Variants in LRRN3 observed in about 807,000 individuals in gnomAD.
The protein encoded by LRRN3 is leucine-rich repeat neuronal protein 3.
In LRRN3, 15 loss-of-function variants were observed where a neutral mutation model predicts 40.1. The ratio of observed to expected loss-of-function variants is 0.37; its 90% CI spans 0.25 to 0.58. LRRN3 has a LOEUF of 0.58. Ranked by LOEUF, LRRN3 falls within the 20% of genes least tolerant of loss-of-function variation. The pLI is 0.72. For synonymous variants in LRRN3, 308 were observed against 297.2 expected, an observed-to-expected ratio of 1.04 and a Z score of -0.37; for missense variants, 746 against 837.7, an observed-to-expected ratio of 0.89 and a Z score of 1.35.
intron 2 of LRRN3, among the ~76,000 whole-genome samples, chr7:111,116,930 A>G (rs1799947239): frequency 6.6e-6 from 1 of 152,170 alleles, no homozygotes; most frequent in African/African-American, 2.4e-5. Flanking sequence ...AAAATGAAGG[A>G]ATTTGAATTC....
Position 111,099,901 on chromosome 7 carries a change from G to A in LRRN3, c.-420G>A, listed in dbSNP as rs996401122. ...CAAAGACGAGGAAGAGGAGGAGAAA[G>A]AGAAAGAAGAGGAAGATGTTGGGCA... On this transcript the variant is annotated 5_prime_UTR_variant, in exon 2 of 3. Transcript: ENST00000308478. 22 of 151,636 alleles carry A rather than the reference G, an allele frequency of 1.5e-4. No individual in the cohort carries two copies. Among genetic ancestry groups the A allele is most frequent in the African/African-American group, 5.3e-4 (22 of 41,370 alleles). 9.4% of individuals were successfully genotyped at this position (151,636 alleles called of 1,614,324 possible). A position where few individuals can be genotyped will look rare whatever the true frequency, so the allele number is the denominator to read the frequency against.
Position 111,122,655 on chromosome 7 carries a change from G to C in LRRN3, c.-118G>C, listed in dbSNP as rs1800791332. ...GTGAAGAAAAACTTTGTGGTTCTATGGCATTCATCATTTGACAAATGCAAG... is the reference window on the plus strand; with the variant it reads ...GTGAAGAAAAACTTTGTGGTTCTATCGCATTCATCATTTGACAAATGCAAG... On this transcript the variant is annotated 5_prime_UTR_variant, in exon 3 of 3. It removes an upstream start codon present in the reference 5' UTR. Coordinates refer to ENST00000308478, the MANE Select transcript of LRRN3 (RefSeq NM_001099658.2). The C allele has an allele frequency of 1.3e-6, 1 of 783,750 alleles. No individual in the cohort carries two copies. The highest frequency in any genetic ancestry group is 2.1e-6 in the Non-Finnish European group (1 of 482,838). 48.5% of individuals were successfully genotyped at this position (783,750 alleles called of 1,614,324 possible). A position where few individuals can be genotyped will look rare whatever the true frequency, so the allele number is the denominator to read the frequency against.
chr7:111,101,970 A>G lies in LRRN3; in HGVS notation c.-359+2008A>G, dbSNP rs543321163. On this transcript the variant is annotated intron_variant, in intron 2 of 2. Transcript: ENST00000308478. The stretch of plus-strand genomic sequence containing the variant: ...AACTCTTCTGCCCACATGTTCATGA[A>G]CTCTAATTTTCATACACTATATCTC... Among the ~76,000 whole-genome samples, 4 of 151,454 alleles carry G rather than the reference A, an allele frequency of 2.6e-5. No homozygotes were observed. In the East Asian group the frequency reaches 7.8e-4, roughly 30 times the overall value.
chr7:111,119,482 A>C (rs1800316334), intron 2 of LRRN3, among the ~76,000 whole-genome samples: 1 of 152,246 alleles, frequency 6.6e-6, no homozygotes. Context: ...TGAAGAATAA[A>C]GCACAGATAT....
In LRRN3 at chr7:111,123,333, T is replaced by A. The variant is rs1163657538; in HGVS notation, c.561T>A (p.Leu187=). ...QMINSKWFDA[L]PNLEILMIGE... Reference sequence around the variant, plus strand: ...TCAACAGTAAGTGGTTTGATGCTCTTCCAAATCTAGAGATTCTGATGATTG... The same window carrying A: ...TCAACAGTAAGTGGTTTGATGCTCTACCAAATCTAGAGATTCTGATGATTG... The change falls in exon 3 of 3, where the codon CTT becomes CTA. Residue 187 remains leucine (L), a synonymous_variant. Transcript: ENST00000308478. The surrounding 1 kb of genome is among the most constrained non-coding windows in gnomAD (Gnocchi z 6.4). 6.2e-7 allele frequency: 1 copy of A among 1,613,862 alleles called. No individual in the cohort carries two copies. The highest frequency in any genetic ancestry group is 2.2e-5 in the East Asian group (1 of 44,862).
chr7:111,124,624 C>G lies in LRRN3; in HGVS notation c.1852C>G (p.Gln618Glu). 2 of 1,613,814 alleles carry G rather than the reference C, an allele frequency of 1.2e-6. No individual in the cohort carries two copies. Among genetic ancestry groups the G allele is most frequent in the South Asian group, 1.1e-5 (1 of 91,050 alleles). ...CACCACCAAAGGTTTGCACCCTGATCAAAAAGAGTATGAAAAGAATAATAC... is the reference window on the plus strand; with the variant it reads ...CACCACCAAAGGTTTGCACCCTGATGAAAAAGAGTATGAAAAGAATAATAC... ...NVTTKGLHPD[Q>E]KEYEKNNTTT... Residue 618 changes from glutamine to glutamate, a missense_variant, in exon 3 of 3, where the codon CAA (glutamine) becomes GAA (glutamate). Gln to Glu is a conservative substitution (Grantham distance 29). Transcript: ENST00000308478.
chr7:111,094,581 C>T (rs1797208879), intron 1 of LRRN3, among the ~76,000 whole-genome samples: 1 of 152,136 alleles, frequency 6.6e-6, no homozygotes, highest in South Asian at 2.1e-4. Context: ...AACATCAGTA[C>T]ATCTTGTCAG....
At position 111,124,896 on chromosome 7, in the gene LRRN3, C is replaced by T; in HGVS notation, c.2124C>T (p.Ser708=). Residue 708 remains serine, a synonymous_variant, in exon 3 of 3, where the codon TCC becomes TCT. Transcript: ENST00000308478. The part of the protein sequence containing the change: ...ATVIGLPTNM[S] The stretch of plus-strand genomic sequence containing the variant: ...TTATAGGTTTACCAACAAATATGTC[C>T]TAAAAACCACCAAGGAAACCTACTC... The T allele has an allele frequency of 6.6e-7, 1 of 1,517,536 alleles. No homozygotes were observed. Among genetic ancestry groups the T allele is most frequent in the Non-Finnish European group, 8.8e-7 (1 of 1,134,840 alleles). 94.0% of individuals were successfully genotyped at this position (1,517,536 alleles called of 1,614,324 possible).
intron 2 of LRRN3, among the ~76,000 whole-genome samples, chr7:111,121,627 T>C (rs1208225577): frequency 6.6e-6 from 1 of 152,172 alleles, no homozygotes; most frequent in Non-Finnish European, 1.5e-5. Context: ...TTTACACTGT[T>C]GGTGGGGCTG....
chr7:111,111,942 GT>G (rs748410980), intron 2 of LRRN3, among the ~76,000 whole-genome samples: 3,201 of 84,084 alleles, frequency 0.038, 7 homozygotes, highest in African/African-American at 0.064. Context: ...TATATAGTTT[GT>G]TTTTTTTTTT....
chr7:111,099,034 T>C (rs942266621), intron 1 of LRRN3, among the ~76,000 whole-genome samples: 3 of 151,762 alleles, frequency 2.0e-5, no homozygotes, highest in African/African-American at 7.2e-5. Flanking sequence ...ATCTGAGTTT[T>C]GCTATCCACT....
At chr7:111,100,406 T>C (rs1033187197) in intron 2 of LRRN3, among the ~76,000 whole-genome samples, 1 of 148,386 alleles carries the variant, frequency 6.7e-6, no homozygotes, top group Non-Finnish European at 1.5e-5. Flanking sequence ...ATAATATGCT[T>C]AAACTTTATA....
At chr7:111,100,097 C>T (rs1313346557) in intron 2 of LRRN3, 135 bp downstream of exon 2, 2 of 151,534 alleles carry the variant, frequency 1.3e-5, no homozygotes, top group African/African-American at 4.8e-5. Flanking sequence ...GACTCTGAAG[C>T]CCATGTTATG....
intron 2 of LRRN3, among the ~76,000 whole-genome samples, chr7:111,103,860 C>T (rs1023407851): frequency 6.6e-6 from 1 of 151,588 alleles, no homozygotes; most frequent in Non-Finnish European, 1.5e-5. Flanking sequence ...GGCAGCAGCA[C>T]AGAAAGAACG....
At chr7:111,116,384 C>A (rs576465722) in intron 2 of LRRN3, among the ~76,000 whole-genome samples, 1 of 152,244 alleles carries the variant, frequency 6.6e-6, no homozygotes, top group Admixed American at 6.5e-5. Context: ...CTCAAAATAT[C>A]AGATTTGAGA....
intron 2 of LRRN3, among the ~76,000 whole-genome samples, chr7:111,120,104 C>T (rs918248302): frequency 6.6e-6 from 1 of 152,106 alleles, no homozygotes; most frequent in East Asian, 1.9e-4. Context: ...AGAAGGATCT[C>T]CATATATCAA....
intron 1 of LRRN3, among the ~76,000 whole-genome samples, chr7:111,096,107 G>A (rs1797370619): frequency 6.6e-6 from 1 of 151,932 alleles, no homozygotes; most frequent in East Asian, 1.9e-4. Context: ...CACAATAATT[G>A]TGAATATTTG....
chr7:111,101,464 C>T (rs1797966568), intron 2 of LRRN3, among the ~76,000 whole-genome samples: 1 of 151,426 alleles, frequency 6.6e-6, no homozygotes, highest in South Asian at 2.1e-4. Context: ...TTATTTTCTG[C>T]ACAAAGTTAC....
chr7:111,106,367 A>G (rs1798548042), intron 2 of LRRN3, among the ~76,000 whole-genome samples: 1 of 151,908 alleles, frequency 6.6e-6, no homozygotes, highest in African/African-American at 2.4e-5. Context: ...AACTTTTTTG[A>G]AGGATCTTAA....
Sources: gnomAD v4.1 joint callset for allele counts (sites outside exome capture counted in the v4.1 genomes callset) on GRCh38, gnomAD v4.1.1 for gene constraint, Gnocchi (gnomAD v3.1) non-coding constraint, MANE v1.5 for transcripts, NCBI Gene and HGNC (gene_info 2026-07-23, HGNC 2026-07-21) for gene names.